LRRC37A2: variants seen among roughly 807,000 people sequenced by gnomAD.
LRRC37A2 encodes leucine-rich repeat-containing protein 37A2.
A neutral mutation model predicts 68.8 loss-of-function variants in LRRC37A2; 9 were observed. The ratio of observed to expected loss-of-function variants is 0.13; its 90% CI spans 0.08 to 0.23. LRRC37A2 has a LOEUF of 0.23. Ranked by LOEUF, LRRC37A2 falls within the 10% of genes least tolerant of loss-of-function variation. The pLI, the probability that LRRC37A2 is intolerant of heterozygous loss-of-function variation, is 1.00. For synonymous variants in LRRC37A2, 63 were observed against 367.6 expected (o/e 0.17, Z 9.48); for missense variants, 168 against 950.4 (o/e 0.18, Z 10.82).
the LRRC37A2 span, among the ~76,000 whole-genome samples, chr17:46,760,608 T>C: frequency 1.5e-5 from 2 of 135,850 alleles, no homozygotes; most frequent in East Asian, 2.1e-4. Flanking sequence ...TACTCCAGCC[T>C]GGGCAACAGA....
At chr17:46,736,382 G>C in the LRRC37A2 span, among the ~76,000 whole-genome samples, 1 of 152,174 alleles carries the variant, frequency 6.6e-6, no homozygotes, top group East Asian at 1.9e-4. Flanking sequence ...CAACAAAGTG[G>C]TGCTTCACAG....
At chr17:47,001,790 C>T in the LRRC37A2 span, among the ~76,000 whole-genome samples, 4 of 137,664 alleles carry the variant, frequency 2.9e-5, no homozygotes, top group Admixed American at 7.9e-5. Flanking sequence ...GGTGAGATCT[C>T]GGCTCACTGC....
chr17:46,786,703 G>A, the LRRC37A2 span, among the ~76,000 whole-genome samples: 1 of 152,206 alleles, frequency 6.6e-6, no homozygotes, highest in Admixed American at 6.5e-5. Context: ...GGGGTGCCGT[G>A]CTCTCTGTTA....
At chr17:46,749,999 T>A in the LRRC37A2 span, 1 of 1,389,966 alleles carries the variant, frequency 7.2e-7, no homozygotes, top group Admixed American at 1.9e-5. Context: ...GTTTGGTTTT[T>A]ATGCTAATCT....
chr17:46,543,847 G>C (rs575010760), intron 8 of LRRC37A2, among the ~76,000 whole-genome samples: 8 of 150,290 alleles, frequency 5.3e-5, no homozygotes, highest in Non-Finnish European at 8.8e-5. Context: ...CAAAAATTTT[G>C]GGCTCATGCC....
At chr17:46,811,687 G>A in the LRRC37A2 span, among the ~76,000 whole-genome samples, 5 of 152,334 alleles carry the variant, frequency 3.3e-5, no homozygotes, top group Admixed American at 2.0e-4. Context: ...GGGTGCGGTG[G>A]CTCACGCCTA....
At chr17:46,598,462 A>G in the LRRC37A2 span, among the ~76,000 whole-genome samples, 134 of 152,122 alleles carry the variant, frequency 8.8e-4, 2 homozygotes, top group Middle Eastern at 0.024. Flanking sequence ...GAAAATACAC[A>G]TACTTTAGTG....
the LRRC37A2 span, among the ~76,000 whole-genome samples, chr17:46,996,312 T>C: frequency 6.6e-6 from 1 of 152,234 alleles, no homozygotes; most frequent in Non-Finnish European, 1.5e-5. Flanking sequence ...TCAGGTCGAA[T>C]GGTGGGCCTA....
At chr17:46,770,181 G>A in the LRRC37A2 span, 3 of 1,247,120 alleles carry the variant, frequency 2.4e-6, no homozygotes, top group South Asian at 1.6e-5. Flanking sequence ...CCTGAGGCAA[G>A]AGGGAGGCAG....
chr17:46,951,889 C>T, the LRRC37A2 span, among the ~76,000 whole-genome samples: 1 of 152,056 alleles, frequency 6.6e-6, no homozygotes, highest in Non-Finnish European at 1.5e-5. Context: ...CTCGCTGCTT[C>T]TCCCCCCCAG....
the LRRC37A2 span, chr17:46,921,318 T>C: frequency 1.3e-5 from 2 of 152,144 alleles, no homozygotes; most frequent in Non-Finnish European, 2.9e-5. Flanking sequence ...TTACACCTTA[T>C]ACAAAAATCA....
the LRRC37A2 span, among the ~76,000 whole-genome samples, chr17:46,747,636 T>C: frequency 6.6e-6 from 1 of 151,966 alleles, no homozygotes; most frequent in Non-Finnish European, 1.5e-5. Flanking sequence ...AAAGAAAACA[T>C]TCAGAAAACA....
chr17:46,377,656 G>A, the LRRC37A2 span, among the ~76,000 whole-genome samples: 3 of 60,436 alleles, frequency 5.0e-5, no homozygotes, highest in African/African-American at 9.8e-5. Context: ...TGCAACCTCT[G>A]CCTCCCGGGT....
At chr17:46,998,540 G>A in the LRRC37A2 span, among the ~76,000 whole-genome samples, 35 of 152,136 alleles carry the variant, frequency 2.3e-4, no homozygotes, top group Non-Finnish European at 4.1e-4. Flanking sequence ...CAGAGCTGTC[G>A]GCTTCTGCAG....
the LRRC37A2 span, among the ~76,000 whole-genome samples, chr17:46,812,332 C>G: frequency 6.6e-5 from 10 of 152,150 alleles, no homozygotes; most frequent in Non-Finnish European, 8.8e-5. Context: ...ACCTCCACCC[C>G]CCTACCCCCG....
the LRRC37A2 span, among the ~76,000 whole-genome samples, chr17:46,894,300 G>A: frequency 6.6e-6 from 1 of 152,210 alleles, no homozygotes; most frequent in African/African-American, 2.4e-5. Flanking sequence ...CAATGTGATT[G>A]ACTGAGTCCC....
At chr17:46,776,272 C>G in the LRRC37A2 span, among the ~76,000 whole-genome samples, 1 of 152,226 alleles carries the variant, frequency 6.6e-6, no homozygotes, top group African/African-American at 2.4e-5. Context: ...TGAGCACATG[C>G]CTGAGTGGGT....
At chr17:46,818,619 AG>A in the LRRC37A2 span, 1 of 1,579,182 alleles carries the variant, frequency 6.3e-7, no homozygotes, top group Non-Finnish European at 8.6e-7. Flanking sequence ...CCGAGGAGGA[AG>A]TTTGCCCGCG....
chr17:46,757,075 G>A, the LRRC37A2 span: 12 of 152,324 alleles, frequency 7.9e-5, no homozygotes, highest in African/African-American at 2.9e-4. Context: ...CCACCCATGA[G>A]GCTTGTGGCC....
Sources: allele counts gnomAD v4.1 joint callset (sites outside exome capture counted in the v4.1 genomes callset), GRCh38; gene constraint gnomAD v4.1.1; transcripts MANE v1.5; gene names NCBI Gene and HGNC (gene_info 2026-07-23, HGNC 2026-07-21).